CDH9: variants seen among roughly 807,000 people sequenced by gnomAD.
The protein encoded by CDH9 is cadherin 9, also known as cadherin-9.
In CDH9, 28 loss-of-function variants were observed where a neutral mutation model predicts 70.9. The ratio of observed to expected loss-of-function variants is 0.40; its 90% CI spans 0.29 to 0.54. The LOEUF (loss-of-function observed/expected upper bound fraction) is 0.54. CDH9 is among the 20% of genes least tolerant of loss of function. CDH9 has a pLI of 0.59. For missense variants in CDH9, 874 were observed against 984.4 expected, an observed-to-expected ratio of 0.89 and a Z score of 1.50; for synonymous variants, 409 against 343.1, an observed-to-expected ratio of 1.19 and a Z score of -2.12.
chr5:26,998,595 G>A (rs1215474619), intron 1 of CDH9, among the ~76,000 whole-genome samples: 1 of 152,072 alleles, frequency 6.6e-6, no homozygotes, highest in Non-Finnish European at 1.5e-5. Flanking sequence ...TGGGGAGACG[G>A]GGGAGGGATA....
intron 11 of CDH9, among the ~76,000 whole-genome samples, chr5:26,884,905 C>A (rs549204827): frequency 2.0e-5 from 3 of 152,132 alleles, no homozygotes; most frequent in African/African-American, 7.2e-5. Flanking sequence ...GCTGTTGGAA[C>A]ATGACTTTAT....
At chr5:26,982,829 C>A (rs1055694694) in intron 2 of CDH9, among the ~76,000 whole-genome samples, 2 of 152,026 alleles carry the variant, frequency 1.3e-5, no homozygotes, top group East Asian at 1.9e-4. Context: ...ATTACAGGCA[C>A]CTGCCACCAC....
At chr5:26,903,923 G>T in intron 5 of CDH9, 99 bp from the exon 6 acceptor site, 1 of 634,648 alleles carries the variant, frequency 1.6e-6, no homozygotes, top group Non-Finnish European at 2.7e-6. Context: ...TTTAAATAGG[G>T]AGAGTTTTTA....
chr5:26,908,356 C>CA (rs1328480107), intron 3 of CDH9, among the ~76,000 whole-genome samples: 2 of 151,480 alleles, frequency 1.3e-5, no homozygotes, highest in Admixed American at 6.6e-5. Context: ...TTTTAATTTA[C>CA]ATGTAATGTC....
chr5:27,005,411 A>G (rs918690042), intron 1 of CDH9, among the ~76,000 whole-genome samples: 2 of 152,102 alleles, frequency 1.3e-5, no homozygotes, highest in African/African-American at 2.4e-5. Context: ...ACAGCATATG[A>G]AAAAAAGCTC....
rs768448907 is a variant in CDH9 at position 26,903,570 on chromosome 5, C to T, written c.999+67G>A. 1.6e-5 allele frequency: 17 copies of T among 1,037,332 alleles called. No individual in the cohort carries two copies. The African/African-American group carries it at 2.4e-4, about 14-fold the overall frequency. The allele number at this position is 1,037,332 out of a possible 1,614,324, so 64.3% of individuals were successfully genotyped here. On this transcript the variant is annotated intron_variant, in intron 6 of 11. Transcript: ENST00000231021. ...GAAAATAAATCCCAGGCTTTTTTTCCCTTTACTGAAAAGCAAACGTAAATT... is the reference window on the plus strand; with the variant it reads ...GAAAATAAATCCCAGGCTTTTTTTCTCTTTACTGAAAAGCAAACGTAAATT...
intron 2 of CDH9, among the ~76,000 whole-genome samples, chr5:26,983,940 T>G (rs1742446703): frequency 6.6e-6 from 1 of 152,158 alleles, no homozygotes; most frequent in Non-Finnish European, 1.5e-5. Flanking sequence ...TAATACTTAG[T>G]GCACAAACTA....
chr5:26,885,287 T>C (rs547797778), intron 11 of CDH9, among the ~76,000 whole-genome samples: 1 of 152,282 alleles, frequency 6.6e-6, no homozygotes, highest in East Asian at 1.9e-4. Context: ...CCTTATACAG[T>C]TGATGCAAAG....
chr5:27,019,786 A>C (rs1743106272), intron 1 of CDH9, among the ~76,000 whole-genome samples: 1 of 151,924 alleles, frequency 6.6e-6, no homozygotes, highest in Admixed American at 6.6e-5. Context: ...AATCTTATAT[A>C]TCCTTTGAAA....
Position 26,910,230 on chromosome 5 carries a change from T to TCTAC in CDH9, c.524-3393_524-3392insGTAG, listed in dbSNP as rs1435087495. ...AGGCCTCGTATCTATCATCCATCTA[T>TCTAC]CTATCTATCTATCTATCTATCTATC... On this transcript the variant is annotated intron_variant, in intron 3 of 11. Coordinates refer to ENST00000231021, the MANE Select transcript of CDH9 (RefSeq NM_016279.4). Among the ~76,000 whole-genome samples, 3 of 134,530 alleles carry TCTAC rather than the reference T, an allele frequency of 2.2e-5. No homozygotes were observed. The East Asian group carries it at 5.9e-4, about 26-fold the overall frequency. 88.3% of individuals were successfully genotyped at this position (134,530 alleles called of 152,430 possible). A position where few individuals can be genotyped will look rare whatever the true frequency, so the allele number is the denominator to read the frequency against.
chr5:26,886,125 A>G (rs1207340895), intron 9 of CDH9, 42 bp from the exon 10 acceptor site: 8 of 1,551,042 alleles, frequency 5.2e-6, no homozygotes, highest in Non-Finnish European at 6.9e-6. Flanking sequence ...AGCCTAAGGC[A>G]ATGTTCTTGT....
At chr5:26,953,396 A>G (rs944736162) in intron 2 of CDH9, among the ~76,000 whole-genome samples, 5 of 152,300 alleles carry the variant, frequency 3.3e-5, no homozygotes, top group Non-Finnish European at 7.4e-5. Context: ...TACCATAGAT[A>G]TTGCTTTAGT....
intron 3 of CDH9, 52 bp downstream of exon 3, chr5:26,915,578 C>A: frequency 9.7e-7 from 1 of 1,035,348 alleles, no homozygotes; most frequent in Non-Finnish European, 1.5e-6. Context: ...TAATAATTAC[C>A]TGAGCAAACA....
intron 1 of CDH9, among the ~76,000 whole-genome samples, chr5:27,002,602 G>A (rs984131554): frequency 6.6e-6 from 1 of 152,126 alleles, no homozygotes; most frequent in African/African-American, 2.4e-5. Context: ...AAAAAATGAT[G>A]AGTTCATGTC....
At chr5:27,008,028 G>A (rs1031791391) in intron 1 of CDH9, among the ~76,000 whole-genome samples, 1 of 152,052 alleles carries the variant, frequency 6.6e-6, no homozygotes, top group Non-Finnish European at 1.5e-5. Flanking sequence ...TATACATGTG[G>A]AACAGAAAAA....
At chr5:26,888,776 G>GT (rs1247014618) in intron 9 of CDH9, among the ~76,000 whole-genome samples, 1 of 152,130 alleles carries the variant, frequency 6.6e-6, no homozygotes, top group African/African-American at 2.4e-5. Flanking sequence ...TTGGCTTCTG[G>GT]TGAGGGCTTG....
chr5:26,919,195 G>T (rs967765930), intron 2 of CDH9, among the ~76,000 whole-genome samples: 2 of 152,124 alleles, frequency 1.3e-5, no homozygotes, highest in Non-Finnish European at 2.9e-5. Flanking sequence ...TCTTGAATTG[G>T]CTGGACCACT....
intron 2 of CDH9, among the ~76,000 whole-genome samples, chr5:26,917,412 A>C (rs1185369907): frequency 6.6e-6 from 1 of 151,996 alleles, no homozygotes; most frequent in Non-Finnish European, 1.5e-5. Context: ...ATTATCAAGA[A>C]AGTAAATTTT....
intron 6 of CDH9, 83 bp from the exon 7 acceptor site, chr5:26,902,812 G>A (rs914454168): frequency 4.6e-5 from 33 of 721,434 alleles, no homozygotes; most frequent in Non-Finnish European, 6.7e-5. Flanking sequence ...AATAGCCAGC[G>A]ATCATGATTA....
Sources: allele counts gnomAD v4.1 joint callset (sites outside exome capture counted in the v4.1 genomes callset), GRCh38; gene constraint gnomAD v4.1.1; transcripts MANE v1.5; gene names NCBI Gene and HGNC (gene_info 2026-07-23, HGNC 2026-07-21).